The following PPARGC1A variants were observed in gnomAD, a reference collection of about 807,000 sequenced individuals.
PPARGC1A encodes the protein peroxisome proliferator-activated receptor gamma coactivator 1-alpha.
A neutral mutation model predicts 88.7 loss-of-function variants in PPARGC1A; 25 were observed. The ratio of observed to expected loss-of-function variants is 0.28; its 90% CI spans 0.21 to 0.39. The LOEUF (loss-of-function observed/expected upper bound fraction) is 0.39. PPARGC1A is among the 10% of genes least tolerant of loss of function. PPARGC1A has a pLI of 1.00. For missense variants in PPARGC1A, 880 were observed against 968.7 expected (o/e 0.91, Z 1.22); for synonymous variants, 363 against 355.6 (o/e 1.02, Z -0.24).
At chr4:24,260,986 G>A in the PPARGC1A span, among the ~76,000 whole-genome samples, 1 of 152,012 alleles carries the variant, frequency 6.6e-6, no homozygotes, top group East Asian at 1.9e-4. Context: ...TGTGCACATG[G>A]GTTCATACAT....
the PPARGC1A span, among the ~76,000 whole-genome samples, chr4:24,303,577 T>C: frequency 6.6e-6 from 1 of 152,232 alleles, no homozygotes; most frequent in Admixed American, 6.5e-5. Flanking sequence ...TCACTTTCCA[T>C]TAGGTAACAG....
At chr4:23,998,115 A>G in the PPARGC1A span, among the ~76,000 whole-genome samples, 1 of 152,204 alleles carries the variant, frequency 6.6e-6, no homozygotes, top group African/African-American at 2.4e-5. Flanking sequence ...GACCCCTGGC[A>G]GGTGGACAGA....
chr4:24,389,903 G>A, the PPARGC1A span, among the ~76,000 whole-genome samples: 1 of 152,036 alleles, frequency 6.6e-6, no homozygotes, highest in Non-Finnish European at 1.5e-5. Flanking sequence ...TAGAGAAAAA[G>A]GTCTAAATAG....
At chr4:24,283,849 A>G in the PPARGC1A span, among the ~76,000 whole-genome samples, 1 of 152,240 alleles carries the variant, frequency 6.6e-6, no homozygotes, top group African/African-American at 2.4e-5. Context: ...TGAAAGGATT[A>G]AACAAGTCAA....
the PPARGC1A span, among the ~76,000 whole-genome samples, chr4:24,004,217 C>T: frequency 4.5e-4 from 69 of 152,248 alleles, 1 homozygote; most frequent in African/African-American, 1.5e-3. Flanking sequence ...CTCAAAGCTG[C>T]GACCATTTCA....
At chr4:23,838,630 G>C (rs1293363122) in intron 2 of PPARGC1A, among the ~76,000 whole-genome samples, 4 of 152,084 alleles carry the variant, frequency 2.6e-5, no homozygotes, top group African/African-American at 9.7e-5. Flanking sequence ...ATTCCCATGA[G>C]AGATAAGCAC....
chr4:24,353,372 C>A, the PPARGC1A span, among the ~76,000 whole-genome samples: 245 of 143,392 alleles, frequency 1.7e-3, 2 homozygotes, highest in Middle Eastern at 0.021. Context: ...GTCCCCCGCC[C>A]TCCCTCTGTG....
At chr4:23,967,021 G>T in the PPARGC1A span, among the ~76,000 whole-genome samples, 1 of 152,282 alleles carries the variant, frequency 6.6e-6, no homozygotes, top group Admixed American at 6.5e-5. Context: ...GACAGCATAT[G>T]CAAAACTCAT....
At chr4:24,016,577 T>TG in the PPARGC1A span, among the ~76,000 whole-genome samples, 1 of 152,040 alleles carries the variant, frequency 6.6e-6, no homozygotes, top group Non-Finnish European at 1.5e-5. Context: ...CACAAAATTG[T>TG]GGGGAAAAGG....
At chr4:24,415,609 A>G in the PPARGC1A span, among the ~76,000 whole-genome samples, 1 of 152,184 alleles carries the variant, frequency 6.6e-6, no homozygotes, top group South Asian at 2.1e-4. Context: ...TTATTTCTGA[A>G]TCCCATTTGT....
the PPARGC1A span, among the ~76,000 whole-genome samples, chr4:24,279,285 G>T: frequency 6.6e-6 from 1 of 152,142 alleles, no homozygotes; most frequent in African/African-American, 2.4e-5. Flanking sequence ...GCCTTGAGTT[G>T]ACTAAATGCT....
At chr4:24,015,155 A>G in the PPARGC1A span, among the ~76,000 whole-genome samples, 1 of 152,146 alleles carries the variant, frequency 6.6e-6, no homozygotes, top group African/African-American at 2.4e-5. Context: ...GTCAACAGAA[A>G]TAGATGATAT....
chr4:24,422,805 C>T, the PPARGC1A span, among the ~76,000 whole-genome samples: 1 of 152,052 alleles, frequency 6.6e-6, no homozygotes, highest in African/African-American at 2.4e-5. Context: ...AATGGGTAGG[C>T]TCTGGAAATA....
the PPARGC1A span, among the ~76,000 whole-genome samples, chr4:23,947,874 G>C: frequency 6.6e-6 from 1 of 152,120 alleles, no homozygotes; most frequent in Non-Finnish European, 1.5e-5. Flanking sequence ...CCTCCCTGCT[G>C]TCCTAGGCTC....
intron 2 of PPARGC1A, among the ~76,000 whole-genome samples, chr4:23,860,303 T>G (rs2148708767): frequency 9.6e-6 from 1 of 104,026 alleles, no homozygotes; most frequent in African/African-American, 3.8e-5. Context: ...AGTAGAATGA[T>G]GGTTACCAGG....
chr4:24,308,481 G>A, the PPARGC1A span, among the ~76,000 whole-genome samples: 1 of 151,988 alleles, frequency 6.6e-6, no homozygotes. Flanking sequence ...TTGCACAGAG[G>A]AATTAATCAT....
At chr4:23,872,920 A>C (rs923346795) in intron 2 of PPARGC1A, among the ~76,000 whole-genome samples, 1 of 152,148 alleles carries the variant, frequency 6.6e-6, no homozygotes, top group Admixed American at 6.5e-5. Context: ...GGCCGGGTGC[A>C]GTGGCTCACA....
At chr4:24,034,298 A>G in the PPARGC1A span, among the ~76,000 whole-genome samples, 12 of 152,250 alleles carry the variant, frequency 7.9e-5, no homozygotes, top group Admixed American at 7.8e-4. Flanking sequence ...AAAAGGACAC[A>G]TACATTAAAT....
chr4:23,836,287 C>T (rs1476232667), intron 2 of PPARGC1A, among the ~76,000 whole-genome samples: 6 of 152,168 alleles, frequency 3.9e-5, no homozygotes, highest in East Asian at 1.9e-4. Context: ...AACAGGCCAA[C>T]GGGCATTTCC....
Sources: allele counts gnomAD v4.1 joint callset (sites outside exome capture counted in the v4.1 genomes callset), GRCh38; gene constraint gnomAD v4.1.1; transcripts MANE v1.5; gene names NCBI Gene and HGNC (gene_info 2026-07-23, HGNC 2026-07-21).